The following CRACD variants were observed in gnomAD, a reference collection of about 807,000 sequenced individuals.
CRACD encodes the protein capping protein inhibiting regulator of actin dynamics, also known as capping protein-inhibiting regulator of actin dynamics.
Under a neutral mutation model 106.8 loss-of-function variants are expected in CRACD, and 56 were observed. That is an observed-to-expected ratio of 0.52 (90% CI 0.42 to 0.66). CRACD has a LOEUF of 0.66. Ranked by LOEUF, CRACD falls within the 30% of genes least tolerant of loss-of-function variation. The probability of loss-of-function intolerance (pLI) is 0.00; values close to 1 mark genes in which losing one functional copy is unlikely to be tolerated. For synonymous variants in CRACD, 754 were observed against 670.8 expected (o/e 1.12, Z -1.92); for missense variants, 1,730 against 1,623.2 (o/e 1.07, Z -1.13).
chr4:56,053,568 G>A (rs575841826), intron 1 of CRACD, among the ~76,000 whole-genome samples: 1 of 152,032 alleles, frequency 6.6e-6, no homozygotes, highest in African/African-American at 2.4e-5. Context: ...TGTCTGGTTT[G>A]CATTATTGCT....
At chr4:56,310,584 A>G in intron 5 of CRACD, 82 bp from the exon 6 acceptor site, 1 of 996,994 alleles carries the variant, frequency 1.0e-6, no homozygotes, top group Non-Finnish European at 1.6e-6. Context: ...GGGTGACCCT[A>G]CCCAGGCACA....
chr4:56,314,487 G>T lies in CRACD; in HGVS notation c.985G>T (p.Ala329Ser). The change falls in exon 8 of 11, where the codon GCG becomes TCG. Residue 329 changes from alanine to serine, a missense_variant. Coordinates refer to ENST00000682029, the MANE Select transcript of CRACD (RefSeq NM_001393381.1). The surrounding 1 kb of genome is among the most constrained non-coding windows in gnomAD (Gnocchi z 4.4). ...AAGGCGTCTGCAGGCCCAGGCCCAA[G>T]CGGAGGAGAGGCGGCGGCTGGAGGA... is the stretch of plus-strand genomic sequence containing the variant. Reference protein sequence around the residue: ...ERRRLQAQAQAEERRRLEEDA... With the variant: ...ERRRLQAQAQSEERRRLEEDA... 1 of 1,523,942 alleles carries T rather than the reference G, an allele frequency of 6.6e-7. No homozygotes were observed. The allele number at this position is 1,523,942 out of a possible 1,614,324, so 94.4% of individuals were successfully genotyped here.
intron 1 of CRACD, among the ~76,000 whole-genome samples, chr4:56,083,512 C>T (rs781359361): frequency 1.3e-5 from 2 of 152,090 alleles, no homozygotes; most frequent in Non-Finnish European, 2.9e-5. Flanking sequence ...CATACCCCAC[C>T]CTACCCTACC....
At chr4:56,215,599 CTG>C in intron 2 of CRACD, among the ~76,000 whole-genome samples, 1 of 152,326 alleles carries the variant, frequency 6.6e-6, no homozygotes, top group Middle Eastern at 3.4e-3. Context: ...GAGTCTAAGT[CTG>C]TCACCTGTTT....
intron 1 of CRACD, among the ~76,000 whole-genome samples, chr4:56,135,824 CTT>C (rs1441326540): frequency 6.6e-6 from 1 of 152,166 alleles, no homozygotes; most frequent in Admixed American, 6.5e-5. Flanking sequence ...AAGCTGTACT[CTT>C]TGCTCTTTTG....
chr4:56,166,985 G>A (rs1480708194), intron 1 of CRACD, among the ~76,000 whole-genome samples: 2 of 152,118 alleles, frequency 1.3e-5, no homozygotes, highest in Non-Finnish European at 2.9e-5. Context: ...AGGCACCTGA[G>A]GTGATTCTGG....
intron 8 of CRACD, among the ~76,000 whole-genome samples, chr4:56,322,767 G>A (rs990555608): frequency 5.3e-5 from 8 of 152,148 alleles, no homozygotes; most frequent in Admixed American, 3.3e-4. Flanking sequence ...AATGGCTCAC[G>A]CCTCTAATCA....
intron 2 of CRACD, among the ~76,000 whole-genome samples, chr4:56,197,115 T>G (rs1322304163): frequency 2.6e-5 from 4 of 152,214 alleles, no homozygotes; most frequent in African/African-American, 9.6e-5. Flanking sequence ...TATATTACAT[T>G]GAATAAGTCC....
chr4:56,325,626 T>C (rs1188975319), intron 10 of CRACD, among the ~76,000 whole-genome samples: 1 of 152,230 alleles, frequency 6.6e-6, no homozygotes, highest in Non-Finnish European at 1.5e-5. Flanking sequence ...TTAGAAAATA[T>C]TCTTTATTTG....
intron 1 of CRACD, among the ~76,000 whole-genome samples, chr4:56,062,148 C>T (rs923945034): frequency 7.9e-5 from 12 of 152,292 alleles, no homozygotes; most frequent in African/African-American, 2.9e-4. Context: ...GACGTTTAAG[C>T]AACCAGATTT....
chr4:56,095,065 A>G (rs1278604077), intron 1 of CRACD, among the ~76,000 whole-genome samples: 2 of 152,140 alleles, frequency 1.3e-5, no homozygotes, highest in African/African-American at 4.8e-5. Flanking sequence ...CATTTCTTAA[A>G]AAATACTTTA....
At chr4:56,252,152 T>C (rs902252520) in intron 2 of CRACD, among the ~76,000 whole-genome samples, 1 of 152,188 alleles carries the variant, frequency 6.6e-6, no homozygotes, top group African/African-American at 2.4e-5. Flanking sequence ...ACCCACTATT[T>C]GAAGAACACC....
At chr4:56,154,718 C>T (rs896898857) in intron 1 of CRACD, among the ~76,000 whole-genome samples, 1 of 152,150 alleles carries the variant, frequency 6.6e-6, no homozygotes, top group Non-Finnish European at 1.5e-5. Flanking sequence ...TCTTGTAAAT[C>T]ATGGCTCCCA....
intron 2 of CRACD, among the ~76,000 whole-genome samples, chr4:56,226,704 T>A (rs958085843): frequency 6.6e-6 from 1 of 152,080 alleles, no homozygotes; most frequent in African/African-American, 2.4e-5. Flanking sequence ...GAATCCCTCA[T>A]GAATAGATGA....
intron 2 of CRACD, among the ~76,000 whole-genome samples, chr4:56,182,847 C>T (rs924827216): frequency 1.4e-5 from 2 of 139,516 alleles, no homozygotes; most frequent in African/African-American, 5.6e-5. Context: ...TCTCATACAA[C>T]GTAGAAAAAA....
intron 1 of CRACD, among the ~76,000 whole-genome samples, 156 bp downstream of exon 1, chr4:56,049,455 G>A (rs1392073517): frequency 3.9e-5 from 6 of 152,054 alleles, no homozygotes; most frequent in Non-Finnish European, 7.4e-5. Context: ...GCGGGCGGTG[G>A]GCTTCGGGGC....
intron 4 of CRACD, among the ~76,000 whole-genome samples, chr4:56,302,966 A>G (rs564131402): frequency 6.6e-6 from 1 of 152,196 alleles, no homozygotes; most frequent in Non-Finnish European, 1.5e-5. Flanking sequence ...CAGTAACTCC[A>G]TTCATGGCCA....
chr4:56,216,807 C>T (rs1228675485), intron 2 of CRACD, among the ~76,000 whole-genome samples: 12 of 150,884 alleles, frequency 8.0e-5, no homozygotes, highest in South Asian at 2.1e-4. Flanking sequence ...GGTGAAACCC[C>T]GTCTCTACTA....
Position 56,314,682 on chromosome 4 carries a change from C to T in CRACD, c.1180C>T (p.Arg394Trp), listed in dbSNP as rs747955790. 169 of 1,549,636 alleles carry T rather than the reference C, an allele frequency of 1.1e-4. No homozygotes were observed. Among genetic ancestry groups the T allele is most frequent in the Non-Finnish European group, 1.5e-5 (17 of 1,146,872 alleles). Reference protein sequence around the residue: ...EALEETGEGRRGAEEEDLGEE... With the variant: ...EALEETGEGRWGAEEEDLGEE... The stretch of plus-strand genomic sequence containing the variant: ...GTTGGAGGAGACTGGGGAGGGCCGG[C>T]GGGGCGCGGAGGAGGAGGATCTGGG... Residue 394 changes from arginine (R) to tryptophan (W), a missense_variant, in exon 8 of 11, where the codon CGG becomes TGG. Transcript: ENST00000682029. This position sits in a 1 kb window ranked among gnomAD's most constrained non-coding sequence, Gnocchi z 4.4.
Sources: allele counts gnomAD v4.1 joint callset (sites outside exome capture counted in the v4.1 genomes callset), GRCh38; gene constraint gnomAD v4.1.1; non-coding constraint Gnocchi (gnomAD v3.1); transcripts MANE v1.5; gene names NCBI Gene and HGNC (gene_info 2026-07-23, HGNC 2026-07-21).